Variants in ST3GAL3 observed in about 807,000 individuals in gnomAD.
ST3GAL3 encodes the protein ST3 beta-galactoside alpha-2,3-sialyltransferase 3.
ST3GAL3 carries 21 observed loss-of-function variants against 50.1 expected under a neutral mutation model. The observed-to-expected ratio is 0.42, with a 90% CI of 0.30 to 0.60. The LOEUF is 0.60. Among genes scored for constraint, ST3GAL3 ranks in the 20% least tolerant of loss-of-function variants. The pLI is 0.19. For missense variants in ST3GAL3, 353 were observed against 489.4 expected (o/e 0.72, Z 2.63); for synonymous variants, 183 against 190.0 (o/e 0.96, Z 0.30).
At chr1:43,891,865 G>A (rs528441299) in intron 5 of ST3GAL3, among the ~76,000 whole-genome samples, 27 of 152,332 alleles carry the variant, frequency 1.8e-4, no homozygotes, top group Admixed American at 1.4e-3. Context: ...TCTAGGCGGT[G>A]ATCCTCAGTG....
rs2082920940 is a variant in ST3GAL3 at position 43,920,926 on chromosome 1, G to A, written c.1036G>A (p.Glu346Lys). The change falls in exon 11 of 12, where the codon GAG (glutamate) becomes AAG (lysine). Residue 346 changes from glutamate to lysine, a missense_variant and splice_region_variant. By Grantham distance (56) the Glu-to-Lys change is moderately conservative. Coordinates refer to ENST00000347631, the MANE Select transcript of ST3GAL3 (RefSeq NM_006279.5). ...GACCGTTCGCATGGCAGCCATCAAA[G>A]AGGTTCGGGGCTGGGTATGGGGGCA... ...YETVRMAAIK[E>K]SWTHNIQREK... is the part of the protein sequence containing the mutation. The A allele has an allele frequency of 1.2e-6, 2 of 1,610,678 alleles. No individual in the cohort carries two copies. The highest frequency in any genetic ancestry group is 1.7e-6 in the Non-Finnish European group (2 of 1,178,280).
intron 4 of ST3GAL3, among the ~76,000 whole-genome samples, chr1:43,828,791 G>A (rs910927810): frequency 3.3e-5 from 5 of 152,144 alleles, no homozygotes; most frequent in Admixed American, 1.3e-4. Flanking sequence ...CAGTAGGAAC[G>A]CTCATTCACT....
intron 11 of ST3GAL3, among the ~76,000 whole-genome samples, chr1:43,925,209 G>A (rs1272831145): frequency 6.7e-6 from 1 of 149,934 alleles, no homozygotes; most frequent in Non-Finnish European, 1.5e-5. Flanking sequence ...AGAATTGCTT[G>A]AGCCCAGGAG....
chr1:43,894,840 G>T (rs979937613), intron 6 of ST3GAL3, among the ~76,000 whole-genome samples: 2 of 151,946 alleles, frequency 1.3e-5, no homozygotes, highest in African/African-American at 4.8e-5. Context: ...TTACCATGTT[G>T]CCCAGGTTGA....
intron 2 of ST3GAL3, among the ~76,000 whole-genome samples, chr1:43,778,647 T>TC (rs1250752638): frequency 3.6e-5 from 5 of 139,258 alleles, no homozygotes; most frequent in Admixed American, 3.5e-4. Context: ...TTTTTTTCTT[T>TC]TTTTTTTTTT....
chr1:43,826,927 A>T (rs2062878947), intron 4 of ST3GAL3, among the ~76,000 whole-genome samples: 1 of 152,248 alleles, frequency 6.6e-6, no homozygotes, highest in Non-Finnish European at 1.5e-5. Context: ...CTATCAGCAA[A>T]CTATGAGTAG....
chr1:43,723,349 T>G (rs1671404178), intron 1 of ST3GAL3, among the ~76,000 whole-genome samples: 1 of 152,106 alleles, frequency 6.6e-6, no homozygotes, highest in Admixed American at 6.5e-5. Flanking sequence ...CCTCAGGTGA[T>G]CCACCTGCCT....
At chr1:43,882,867 C>T (rs943529743) in intron 5 of ST3GAL3, among the ~76,000 whole-genome samples, 3 of 152,204 alleles carry the variant, frequency 2.0e-5, no homozygotes, top group African/African-American at 7.2e-5. Context: ...GAGACTCCCA[C>T]AGCCCCCAGC....
chr1:43,896,283 A>C (rs1279146457), intron 6 of ST3GAL3, among the ~76,000 whole-genome samples: 5 of 151,872 alleles, frequency 3.3e-5, no homozygotes, highest in African/African-American at 1.2e-4. Context: ...CCTTAACATG[A>C]CCTCTCGGCT....
chr1:43,784,591 A>G (rs140110178), intron 2 of ST3GAL3, among the ~76,000 whole-genome samples: 117 of 152,336 alleles, frequency 7.7e-4, no homozygotes, highest in African/African-American at 2.6e-3. Flanking sequence ...GAATCTCTCT[A>G]TTATCTCTCT....
intron 1 of ST3GAL3, among the ~76,000 whole-genome samples, chr1:43,731,557 ATTT>A (rs147263689): frequency 4.9e-5 from 6 of 123,542 alleles, no homozygotes; most frequent in Non-Finnish European, 6.7e-5. Flanking sequence ...GCTAATTTTA[ATTT>A]TTTTTTTTTT....
chr1:43,790,443 TG>T (rs1455857907), intron 2 of ST3GAL3, among the ~76,000 whole-genome samples: 2 of 152,156 alleles, frequency 1.3e-5, no homozygotes, highest in African/African-American at 4.8e-5. Flanking sequence ...CTTTTGAGTC[TG>T]GGGTTTCTTG....
At chr1:43,723,590 T>C (rs61304529) in intron 1 of ST3GAL3, among the ~76,000 whole-genome samples, 11,146 of 152,076 alleles carry the variant, frequency 0.073, 1,368 homozygotes, top group African/African-American at 0.26. Context: ...TCTTTTTTCT[T>C]TTTTTATACC....
At chr1:43,829,089 TA>T (rs1400522575) in intron 4 of ST3GAL3, among the ~76,000 whole-genome samples, 1 of 145,760 alleles carries the variant, frequency 6.9e-6, no homozygotes, top group Non-Finnish European at 1.5e-5. Flanking sequence ...AAAAGAAATG[TA>T]GTCTGTTAAA....
intron 1 of ST3GAL3, among the ~76,000 whole-genome samples, chr1:43,713,878 C>A (rs1440500642): frequency 6.6e-6 from 1 of 152,048 alleles, no homozygotes; most frequent in Non-Finnish European, 1.5e-5. Context: ...GTCTTACTAA[C>A]AAGGATATGC....
chr1:43,794,690 A>G, intron 3 of ST3GAL3, among the ~76,000 whole-genome samples: 1 of 152,254 alleles, frequency 6.6e-6, no homozygotes, highest in East Asian at 1.9e-4. Context: ...ACCTAACAAC[A>G]GTAGAATGAC....
At chr1:43,911,294 C>T (rs2080773738) in intron 9 of ST3GAL3, 1 of 151,806 alleles carries the variant, frequency 6.6e-6, no homozygotes, top group African/African-American at 2.4e-5. Context: ...AGGTGCACAC[C>T]CACCACACCT....
In ST3GAL3 at chr1:43,899,450, G is replaced by C; in HGVS notation, c.558-91G>C. On this transcript the variant is annotated intron_variant, in intron 8 of 11. Transcript: ENST00000347631. This position sits in a 1 kb window ranked among gnomAD's most constrained non-coding sequence, Gnocchi z 5.4. ...TGGGGAGAATAGGTCCAGGTGACCT[G>C]GACTCCCTATTCTCCATGCCTGGGA... 2 of 1,586,764 alleles carry C rather than the reference G, an allele frequency of 1.3e-6. No individual in the cohort carries two copies. Among genetic ancestry groups the C allele is most frequent in the Non-Finnish European group, 8.6e-7 (1 of 1,166,124 alleles).
At chr1:43,857,947 T>C (rs2068924429) in intron 5 of ST3GAL3, among the ~76,000 whole-genome samples, 1 of 152,154 alleles carries the variant, frequency 6.6e-6, no homozygotes. Context: ...TCATTTTTAT[T>C]CTATTTTATA....
Sources: gnomAD v4.1 joint callset for allele counts (sites outside exome capture counted in the v4.1 genomes callset) on GRCh38, gnomAD v4.1.1 for gene constraint, Gnocchi (gnomAD v3.1) non-coding constraint, MANE v1.5 for transcripts, NCBI Gene and HGNC (gene_info 2026-07-23, HGNC 2026-07-21) for gene names.